Variants in PES1 observed in about 807,000 individuals in gnomAD.
The protein encoded by PES1 is pescadillo ribosomal biogenesis factor 1.
Under a neutral mutation model 77.1 loss-of-function variants are expected in PES1, and 31 were observed. That is an observed-to-expected ratio of 0.40 (90% CI 0.30 to 0.54). The LOEUF is 0.54. PES1 is among the 20% of genes least tolerant of loss of function. The probability of loss-of-function intolerance (pLI) is 0.45; values close to 1 mark genes in which losing one functional copy is unlikely to be tolerated. For synonymous variants in PES1, 282 were observed against 303.0 expected, an observed-to-expected ratio of 0.93 and a Z score of 0.72; for missense variants, 658 against 771.7, an observed-to-expected ratio of 0.85 and a Z score of 1.75.
At chr22:30,602,860 C>G (rs2087377488) in intron 2 of PES1, among the ~76,000 whole-genome samples, 1 of 152,102 alleles carries the variant, frequency 6.6e-6, no homozygotes, top group African/African-American at 2.4e-5. Flanking sequence ...GATGAAATGT[C>G]TTACTATTAC....
upstream of PES1, among the ~76,000 whole-genome samples, chr22:30,594,393 A>G (rs981950251): frequency 4.6e-5 from 7 of 151,944 alleles, no homozygotes; most frequent in Admixed American, 3.3e-4. Flanking sequence ...GGTGATGCAC[A>G]CCTGTAATCC....
intron 4 of PES1, chr22:30,587,021 G>A: frequency 2.3e-6 from 1 of 437,568 alleles, no homozygotes; most frequent in South Asian, 2.7e-5. Context: ...TGGGGCCTTT[G>A]CACTTGCCAT....
intron 10 of PES1, 143 bp from the exon 11 acceptor site, chr22:30,580,321 T>G: frequency 8.8e-7 from 1 of 1,138,440 alleles, no homozygotes; most frequent in Non-Finnish European, 1.2e-6. Context: ...CCAGGATCCT[T>G]CAATCCTGGC....
chr22:30,577,039 C>T lies in PES1; in HGVS notation c.*7G>A. 6.2e-7 allele frequency: 1 copy of T among 1,611,026 alleles called. No individual in the cohort carries two copies. The highest frequency in any genetic ancestry group is 1.1e-5 in the South Asian group (1 of 91,032). ...CTGGCCTCAGCCCTGTGAGGGGCCGCAGGCACTCACTCCGGCCTTGCCTTC... is the reference window on the plus strand; with the variant it reads ...CTGGCCTCAGCCCTGTGAGGGGCCGTAGGCACTCACTCCGGCCTTGCCTTC... On this transcript the variant is annotated 3_prime_UTR_variant, in exon 15 of 15. Transcript: ENST00000354694.
At chr22:30,600,335 G>T (rs929227439) in intron 2 of PES1, among the ~76,000 whole-genome samples, 1 of 152,160 alleles carries the variant, frequency 6.6e-6, no homozygotes, top group Non-Finnish European at 1.5e-5. Flanking sequence ...TCAGACTTCA[G>T]GGGGTAGGTT....
chr22:30,592,774 G>A (rs542805806), upstream of PES1, among the ~76,000 whole-genome samples: 2 of 152,150 alleles, frequency 1.3e-5, no homozygotes, highest in Non-Finnish European at 2.9e-5. Context: ...TCCAGCCTGG[G>A]CGACAGAGTG....
rs534415458 is a variant in PES1 at position 30,580,716 on chromosome 22, G to A, written c.913-15C>T. 5.0e-6 allele frequency: 8 copies of A among 1,612,442 alleles called. No individual in the cohort carries two copies. The African/African-American group carries it at 5.3e-5, about 11-fold the overall frequency. ...GCTGACATCTCCTGTTGAGAAAGGG[G>A]CCAGGCCTCGCACCACCAGGGCTGC... On this transcript the variant is annotated splice_polypyrimidine_tract_variant and intron_variant, in intron 9 of 14. Transcript: ENST00000354694.
chr22:30,601,687 T>C (rs893163151), intron 2 of PES1: 1 of 152,206 alleles, frequency 6.6e-6, no homozygotes, highest in Non-Finnish European at 1.5e-5. Context: ...TATTTCATTG[T>C]ATAGATGTAC....
At chr22:30,586,535 T>C (rs372743242) in intron 4 of PES1, among the ~76,000 whole-genome samples, 1 of 152,180 alleles carries the variant, frequency 6.6e-6, no homozygotes, top group African/African-American at 2.4e-5. Flanking sequence ...GGGACTACTA[T>C]AGCGTATTTA....
At chr22:30,584,143 C>T (rs966767299) in intron 6 of PES1, 93 of 577,878 alleles carry the variant, frequency 1.6e-4, no homozygotes, top group Non-Finnish European at 5.6e-5. Flanking sequence ...GAAAGGAACA[C>T]GTCCAAGGGC....
chr22:30,600,645 T>C (rs1017740111), intron 2 of PES1, among the ~76,000 whole-genome samples: 29 of 152,170 alleles, frequency 1.9e-4, no homozygotes, highest in African/African-American at 6.3e-4. Flanking sequence ...TGAAACCCCG[T>C]CTCTACTAAA....
At chr22:30,592,657 C>T (rs1416472508), upstream of PES1, among the ~76,000 whole-genome samples, 1 of 152,044 alleles carries the variant, frequency 6.6e-6, no homozygotes, top group Non-Finnish European at 1.5e-5. Context: ...ATTAGCTGGC[C>T]ATGGTGGCAC....
intron 2 of PES1, among the ~76,000 whole-genome samples, chr22:30,597,834 T>A (rs371508906): frequency 2.2e-4 from 33 of 151,236 alleles, no homozygotes; most frequent in African/African-American, 7.8e-4. Flanking sequence ...GCTGCCCGAC[T>A]CAGCTGTGGT....
At position 30,580,040 on chromosome 22, in the gene PES1, C is replaced by T; in HGVS notation, c.1169+13G>A. ...ATACCCAGAAATCCGGACGAGGACC[C>T]TTGAGGGCCTACCTGCCAATGACTG... is the stretch of plus-strand genomic sequence containing the variant. On this transcript the variant is annotated intron_variant, in intron 11 of 14. Transcript: ENST00000354694. 2 of 1,613,446 alleles carry T rather than the reference C, an allele frequency of 1.2e-6. No homozygotes were observed. The highest frequency in any genetic ancestry group is 1.7e-6 in the Non-Finnish European group (2 of 1,179,656).
intron 4 of PES1, chr22:30,587,013 G>A (rs1357313992): frequency 1.2e-5 from 5 of 415,688 alleles, no homozygotes; most frequent in Non-Finnish European, 1.7e-5. Flanking sequence ...TCCCACCATG[G>A]GGCCTTTGCA....
Position 30,576,867 on chromosome 22 carries a change from C to G in PES1, c.*179G>C, listed in dbSNP as rs2086906868. 4.9e-6 allele frequency: 3 copies of G among 613,516 alleles called. No individual in the cohort carries two copies. Among genetic ancestry groups the G allele is most frequent in the Non-Finnish European group, 8.7e-6 (3 of 343,466 alleles). 38.0% of individuals were successfully genotyped at this position (613,516 alleles called of 1,614,324 possible). A position where few individuals can be genotyped will look rare whatever the true frequency, so the allele number is the denominator to read the frequency against. ...CTGACCAGGCACCAGCAGGGCAGCT[C>G]CATCCAAGGGAAGCGAGGGCTGCCC... On this transcript the variant is annotated 3_prime_UTR_variant, in exon 15 of 15. Coordinates refer to ENST00000354694, the MANE Select transcript of PES1 (RefSeq NM_014303.4).
In PES1 at chr22:30,576,911, C is replaced by G; in HGVS notation, c.*135G>C. ...GCTGCCCACTGGCCCAGCCAGAGAG[C>G]ATGAGGGGTCAGGGCTGGCTGGAGA... On this transcript the variant is annotated 3_prime_UTR_variant, in exon 15 of 15. Transcript: ENST00000354694. 1.3e-6 allele frequency: 1 copy of G among 754,082 alleles called. No homozygotes were observed. The highest frequency in any genetic ancestry group is 2.5e-5 in the East Asian group (1 of 39,482). 46.7% of individuals were successfully genotyped at this position (754,082 alleles called of 1,614,324 possible).
chr22:30,602,112 G>A (rs1161116114), intron 2 of PES1, among the ~76,000 whole-genome samples: 1 of 151,672 alleles, frequency 6.6e-6, no homozygotes, highest in Non-Finnish European at 1.5e-5. Context: ...GTTTGGCTCT[G>A]TGTCCCCACC....
chr22:30,592,852 T>C (rs2087203925), upstream of PES1, among the ~76,000 whole-genome samples: 1 of 149,156 alleles, frequency 6.7e-6, no homozygotes, highest in Non-Finnish European at 1.5e-5. Flanking sequence ...GAGCTTTTAA[T>C]TTGTACACAT....
Sources: gnomAD v4.1 joint callset for allele counts (sites outside exome capture counted in the v4.1 genomes callset) on GRCh38, gnomAD v4.1.1 for gene constraint, MANE v1.5 for transcripts, NCBI Gene and HGNC (gene_info 2026-07-23, HGNC 2026-07-21) for gene names.